CAST: variants seen among roughly 807,000 people sequenced by gnomAD.
CAST encodes calpastatin, also known as MIR583 host.
A neutral mutation model predicts 119.6 loss-of-function variants in CAST; 76 were observed. The observed-to-expected ratio is 0.64, with a 90% CI of 0.53 to 0.77. CAST has a LOEUF of 0.77. Among genes scored for constraint, CAST ranks in the 30% least tolerant of loss-of-function variants. The probability of loss-of-function intolerance (pLI) is 0.00; values close to 1 mark genes in which losing one functional copy is unlikely to be tolerated. For missense variants in CAST, 953 were observed against 946.5 expected (o/e 1.01, Z -0.09); for synonymous variants, 319 against 331.6 (o/e 0.96, Z 0.41).
the CAST span, among the ~76,000 whole-genome samples, chr5:96,388,855 AACAC>A: frequency 6.6e-6 from 1 of 152,122 alleles, no homozygotes; most frequent in African/African-American, 2.4e-5. Flanking sequence ...GTACAACACA[AACAC>A]ACACAAACTA....
intron 9 of CAST, among the ~76,000 whole-genome samples, chr5:96,733,022 G>GT (rs144894937): frequency 0.024 from 3,609 of 152,224 alleles, 138 homozygotes; most frequent in African/African-American, 0.082. Context: ...GAGTTTTAGG[G>GT]TAAAAGTATG....
the CAST span, among the ~76,000 whole-genome samples, chr5:96,507,989 A>ACAT: frequency 2.0e-4 from 21 of 102,440 alleles, no homozygotes; most frequent in Admixed American, 4.5e-4. Flanking sequence ...TATATCCCTG[A>ACAT]CATTATTATT....
At chr5:96,192,188 C>T in the CAST span, among the ~76,000 whole-genome samples, 1 of 152,148 alleles carries the variant, frequency 6.6e-6, no homozygotes, top group Non-Finnish European at 1.5e-5. Context: ...CTAGAGACAG[C>T]AGCAGCAATT....
At chr5:96,350,681 G>A in the CAST span, among the ~76,000 whole-genome samples, 3 of 151,996 alleles carry the variant, frequency 2.0e-5, no homozygotes, top group Non-Finnish European at 2.9e-5. Context: ...TTGGGGTCCC[G>A]AGATTTATTT....
chr5:96,018,556 G>A, the CAST span, among the ~76,000 whole-genome samples: 1 of 152,158 alleles, frequency 6.6e-6, no homozygotes, highest in East Asian at 1.9e-4. Flanking sequence ...GCTCCCATTG[G>A]TAAAACATTT....
At chr5:95,967,416 T>TTAAATAAA in the CAST span, among the ~76,000 whole-genome samples, 4 of 144,514 alleles carry the variant, frequency 2.8e-5, no homozygotes, top group Non-Finnish European at 6.0e-5. Context: ...GACCCTATCT[T>TTAAATAAA]TAAATAAATA....
At chr5:96,289,747 C>A in the CAST span, among the ~76,000 whole-genome samples, 1 of 152,056 alleles carries the variant, frequency 6.6e-6, no homozygotes, top group Admixed American at 6.6e-5. Context: ...ACCTTTTTGA[C>A]CCTCAGGTTT....
At chr5:96,687,973 G>T (rs73774386) in intron 2 of CAST, among the ~76,000 whole-genome samples, 2,848 of 152,202 alleles carry the variant, frequency 0.019, 90 homozygotes, top group African/African-American at 0.065. Context: ...TACTACCAGC[G>T]CCAATAAGAA....
At chr5:96,741,733 GA>G in intron 15 of CAST, 153 bp downstream of exon 15, 1 of 593,552 alleles carries the variant, frequency 1.7e-6, no homozygotes, top group South Asian at 2.1e-5. Flanking sequence ...GGGTTATGTT[GA>G]TCATCTCCAG....
At chr5:96,016,860 G>A in the CAST span, among the ~76,000 whole-genome samples, 3 of 131,030 alleles carry the variant, frequency 2.3e-5, no homozygotes, top group Non-Finnish European at 3.1e-5. Flanking sequence ...TTTTTGAGAC[G>A]GAGTCTCCCT....
the CAST span, among the ~76,000 whole-genome samples, chr5:96,500,034 C>T: frequency 6.6e-6 from 1 of 152,102 alleles, no homozygotes; most frequent in African/African-American, 2.4e-5. Flanking sequence ...TCAGAACACC[C>T]ACAACATTTA....
At chr5:96,263,917 C>G in the CAST span, among the ~76,000 whole-genome samples, 1 of 152,124 alleles carries the variant, frequency 6.6e-6, no homozygotes. Flanking sequence ...TGATAACTCC[C>G]TCACTATCAT....
chr5:96,772,598 A>G (rs1772863049), intron 31 of CAST, 42 bp from the exon 32 acceptor site: 1 of 152,768 alleles, frequency 6.5e-6, no homozygotes, highest in South Asian at 2.1e-4. Flanking sequence ...AGAAAATTAC[A>G]TATTAAATGA....
chr5:96,488,331 A>T, the CAST span, among the ~76,000 whole-genome samples: 5 of 152,202 alleles, frequency 3.3e-5, no homozygotes, highest in Non-Finnish European at 7.4e-5. Flanking sequence ...CACCACCAGC[A>T]TTTAATGATA....
At chr5:96,177,784 A>C in the CAST span, among the ~76,000 whole-genome samples, 9 of 152,268 alleles carry the variant, frequency 5.9e-5, no homozygotes, top group Admixed American at 5.2e-4. Flanking sequence ...GGACAACATC[A>C]ATTTCTCCTT....
At chr5:96,054,936 G>C in the CAST span, among the ~76,000 whole-genome samples, 1 of 152,036 alleles carries the variant, frequency 6.6e-6, no homozygotes, top group African/African-American at 2.4e-5. Context: ...CATCTCAGTG[G>C]GTGGATGGAT....
intron 1 of CAST, among the ~76,000 whole-genome samples, chr5:96,548,417 T>C (rs1746056816): frequency 6.6e-6 from 1 of 152,142 alleles, no homozygotes; most frequent in African/African-American, 2.4e-5. Flanking sequence ...GCCCATCTGT[T>C]TTGTTCTTAG....
the CAST span, among the ~76,000 whole-genome samples, chr5:96,377,506 G>T: frequency 1.3e-5 from 2 of 151,978 alleles, no homozygotes; most frequent in East Asian, 3.8e-4. Context: ...TTACCATTGT[G>T]TTACAATTCC....
the CAST span, among the ~76,000 whole-genome samples, chr5:96,264,094 A>G: frequency 6.6e-6 from 1 of 152,340 alleles, no homozygotes; most frequent in East Asian, 1.9e-4. Context: ...TTTCATACAT[A>G]TCACTAAATA....
Sources: gnomAD v4.1 joint callset for allele counts (sites outside exome capture counted in the v4.1 genomes callset) on GRCh38, gnomAD v4.1.1 for gene constraint, MANE v1.5 for transcripts, NCBI Gene and HGNC (gene_info 2026-07-23, HGNC 2026-07-21) for gene names.